ZNF385C: variants seen among roughly 807,000 people sequenced by gnomAD.
ZNF385C encodes the protein CTD-2132N18.2.
A neutral mutation model predicts 35.4 loss-of-function variants in ZNF385C; 28 were observed. The ratio of observed to expected loss-of-function variants is 0.79; its 90% CI spans 0.59 to 1.08. The LOEUF is 1.08. ZNF385C is among the 50% of genes least tolerant of loss of function. ZNF385C has a pLI of 0.00. For missense variants in ZNF385C, 605 were observed against 595.6 expected (o/e 1.02, Z -0.16); for synonymous variants, 248 against 248.2 (o/e 1.00, Z 0.01).
Position 42,040,507 on chromosome 17 carries a change from G to C in ZNF385C, c.251-2622C>G, listed in dbSNP as rs532294776. The C allele has an allele frequency of 1.0e-4, 127 of 1,232,744 alleles. 2 individuals carry two copies. In the Admixed American group the frequency reaches 1.3e-3, roughly 13 times the overall value. 76.4% of individuals were successfully genotyped at this position (1,232,744 alleles called of 1,614,324 possible). ...GACAAGGGAGAGCTTCTGCACAGAG[G>C]GCAGGGCATCCAGCAGCAGGTGGGT... On this transcript the variant is annotated intron_variant, in intron 2 of 8. Transcript: ENST00000692273.
intron 2 of ZNF385C, chr17:42,062,133 T>C (rs1256183358): frequency 6.5e-6 from 1 of 152,948 alleles, no homozygotes; most frequent in Non-Finnish European, 1.5e-5. Context: ...AGCCTGAATG[T>C]GAATCTGTTT....
chr17:42,069,331 G>A (rs547747459), intron 1 of ZNF385C, among the ~76,000 whole-genome samples: 1 of 152,268 alleles, frequency 6.6e-6, no homozygotes, highest in East Asian at 1.9e-4. Context: ...CTTCTGGTTG[G>A]GTGACAAATG....
intron 4 of ZNF385C, among the ~76,000 whole-genome samples, chr17:42,032,086 A>G (rs978845947): frequency 6.6e-6 from 1 of 151,972 alleles, no homozygotes; most frequent in Non-Finnish European, 1.5e-5. Flanking sequence ...TTTGAGATGG[A>G]GTCTCGCTCT....
At chr17:42,057,942 C>CA (rs1471926392) in intron 2 of ZNF385C, among the ~76,000 whole-genome samples, 2 of 146,524 alleles carry the variant, frequency 1.4e-5, no homozygotes, top group Non-Finnish European at 1.5e-5. Context: ...GACTCTGTCT[C>CA]AAAAAAAAGA....
chr17:42,046,297 T>TAA (rs2053159669), intron 2 of ZNF385C, among the ~76,000 whole-genome samples: 1 of 152,068 alleles, frequency 6.6e-6, no homozygotes, highest in Admixed American at 6.6e-5. Context: ...GTTGGTTGTT[T>TAA]AAAAGAATGA....
chr17:42,085,437 T>A (rs2143939393), intron 1 of ZNF385C, among the ~76,000 whole-genome samples: 1 of 149,538 alleles, frequency 6.7e-6, no homozygotes, highest in Non-Finnish European at 1.5e-5. Flanking sequence ...TCCGGCTAAT[T>A]TTTTTCTTTT....
chr17:42,028,487 C>G lies in ZNF385C; in HGVS notation c.968-241G>C, dbSNP rs973641983. ...CTTCCCCTTTGCTTTGATCTCAGTC[C>G]TTTCCTTCTGGGTGTAATCTAAGGA... is the stretch of plus-strand genomic sequence containing the variant. On this transcript the variant is annotated intron_variant, in intron 6 of 8. Transcript: ENST00000692273. 4 of 587,092 alleles carry G rather than the reference C, an allele frequency of 6.8e-6. No individual in the cohort carries two copies. In the South Asian group the frequency reaches 9.6e-5, roughly 14 times the overall value. 36.4% of individuals were successfully genotyped at this position (587,092 alleles called of 1,614,324 possible). A position where few individuals can be genotyped will look rare whatever the true frequency, so the allele number is the denominator to read the frequency against.
chr17:42,059,444 C>T (rs1555657804), intron 2 of ZNF385C, among the ~76,000 whole-genome samples: 3 of 152,142 alleles, frequency 2.0e-5, no homozygotes, highest in African/African-American at 7.2e-5. Flanking sequence ...GAGTATCAGG[C>T]CTCACGTCTC....
chr17:42,039,597 G>T, intron 2 of ZNF385C: 1 of 1,055,448 alleles, frequency 9.5e-7, no homozygotes, highest in Non-Finnish European at 1.2e-6. Flanking sequence ...CAGGCCCCTG[G>T]GAGGCTGCAG....
At chr17:42,082,386 C>G (rs1302177429) in intron 1 of ZNF385C, among the ~76,000 whole-genome samples, 1 of 152,220 alleles carries the variant, frequency 6.6e-6, no homozygotes, top group Non-Finnish European at 1.5e-5. Context: ...GAAGGAATAC[C>G]AAATCTCTTC....
chr17:42,082,818 C>T (rs2053762830), intron 1 of ZNF385C, among the ~76,000 whole-genome samples: 1 of 152,194 alleles, frequency 6.6e-6, no homozygotes, highest in Non-Finnish European at 1.5e-5. Context: ...TGGCTTACAC[C>T]TGTAATCCCA....
chr17:42,041,590 T>A (rs1360376724), intron 2 of ZNF385C, among the ~76,000 whole-genome samples: 1 of 152,138 alleles, frequency 6.6e-6, no homozygotes, highest in African/African-American at 2.4e-5. Flanking sequence ...AAGCTAGTTT[T>A]TTCACTGTGT....
At chr17:42,073,773 A>C (rs1239313382) in intron 1 of ZNF385C, among the ~76,000 whole-genome samples, 1 of 152,218 alleles carries the variant, frequency 6.6e-6, no homozygotes, top group Non-Finnish European at 1.5e-5. Context: ...AGCAAGAAAG[A>C]GCCAAGGAAA....
intron 1 of ZNF385C, among the ~76,000 whole-genome samples, chr17:42,083,259 G>A (rs547832563): frequency 8.5e-4 from 127 of 149,770 alleles, no homozygotes; most frequent in African/African-American, 2.3e-3. Flanking sequence ...CTGGAGTGCA[G>A]TGGCGTGATC....
intron 4 of ZNF385C, 127 bp downstream of exon 4, chr17:42,034,098 G>C (rs1255784901): frequency 2.7e-6 from 2 of 750,690 alleles, no homozygotes; most frequent in Middle Eastern, 3.4e-4. Context: ...CTGCAGCCAG[G>C]GTGGAAAATA....
intron 1 of ZNF385C, among the ~76,000 whole-genome samples, chr17:42,068,528 G>T (rs1353545393): frequency 6.6e-6 from 1 of 151,922 alleles, no homozygotes. Flanking sequence ...TTCTTTTTTG[G>T]GGGGGATAGG....
intron 3 of ZNF385C, among the ~76,000 whole-genome samples, chr17:42,036,106 T>C (rs1317492421): frequency 6.6e-6 from 1 of 152,170 alleles, no homozygotes; most frequent in African/African-American, 2.4e-5. Context: ...GCGATTCTCC[T>C]GCCTCAGCCT....
chr17:42,088,698 G>C (rs1165138593), intron 1 of ZNF385C, among the ~76,000 whole-genome samples: 1 of 152,206 alleles, frequency 6.6e-6, no homozygotes, highest in Non-Finnish European at 1.5e-5. Flanking sequence ...CTGGGTGTTG[G>C]GGGGAAGAGC....
At chr17:42,027,549 A>ATCTGGCCCCCCCCCCCCCCCCCC (rs2052616624) in intron 8 of ZNF385C, 69 bp downstream of exon 8, 1 of 464,468 alleles carries the variant, frequency 2.2e-6, no homozygotes, top group African/African-American at 2.2e-5. Flanking sequence ...CAGCCCCCCC[A>ATCTGGCCCCCCCCCCCCCCCCCC]TCTGGCCCTC....
Sources: allele counts gnomAD v4.1 joint callset (sites outside exome capture counted in the v4.1 genomes callset), GRCh38; gene constraint gnomAD v4.1.1; transcripts MANE v1.5; gene names NCBI Gene and HGNC (gene_info 2026-07-23, HGNC 2026-07-21).